The following ICE1 variants were observed in gnomAD, a reference collection of about 807,000 sequenced individuals.
ICE1 encodes interactor of little elongation complex ELL subunit 1.
ICE1 carries 64 observed loss-of-function variants against 192.7 expected under a neutral mutation model. The observed-to-expected ratio is 0.33, with a 90% confidence interval of 0.27 to 0.41. The LOEUF is 0.41. Among genes scored for constraint, ICE1 ranks in the 10% least tolerant of loss-of-function variants. The probability of loss-of-function intolerance (pLI) is 1.00; values close to 1 mark genes in which losing one functional copy is unlikely to be tolerated. For synonymous variants in ICE1, 1,010 were observed against 984.5 expected (o/e 1.03, Z -0.49); for missense variants, 2,708 against 2,696.0 (o/e 1.00, Z -0.10).
chr5:5,470,869 T>C (rs1411673244), intron 15 of ICE1, among the ~76,000 whole-genome samples: 1 of 152,166 alleles, frequency 6.6e-6, no homozygotes, highest in Non-Finnish European at 1.5e-5. Context: ...GTCTTAAAAG[T>C]CAATGAAAAG....
rs1738628148 is a variant in ICE1, at chr5:5,457,646, T to C, written c.1006T>C (p.Phe336Leu). The change falls in exon 12 of 19, where the codon TTC becomes CTC. Residue 336 changes from phenylalanine to leucine, a missense_variant. Around this residue, in one of 2 missense-constraint regions of ICE1, gnomAD observed 2,366 missense variants for 2,276.6 expected, o/e 1.04. Coordinates refer to ENST00000296564, the MANE Select transcript of ICE1 (RefSeq NM_015325.3). ...FDEDLQAAID[F>L]FKLPPPLLSP... The stretch of plus-strand genomic sequence containing the variant: ...TGAAGATCTTCAAGCTGCAATTGAC[T>C]TCTTCAAACTTCCCCCTCCTCTTCT... The C allele has an allele frequency of 6.2e-7, 1 of 1,613,810 alleles. No individual in the cohort carries two copies. The highest frequency in any genetic ancestry group is 1.7e-5 in the Admixed American group (1 of 60,000).
At chr5:5,431,435 C>T (rs540978132) in intron 1 of ICE1, among the ~76,000 whole-genome samples, 1 of 152,142 alleles carries the variant, frequency 6.6e-6, no homozygotes, top group Non-Finnish European at 1.5e-5. Flanking sequence ...CTCTTCACCC[C>T]CATCTCCATT....
chr5:5,430,455 T>TTA (rs1431643639), intron 1 of ICE1, among the ~76,000 whole-genome samples: 1 of 152,228 alleles, frequency 6.6e-6, no homozygotes, highest in Non-Finnish European at 1.5e-5. Flanking sequence ...TGTTTTCTCA[T>TTA]TATACTGTTT....
At chr5:5,487,369 TA>T (rs1739663782) in intron 18 of ICE1, among the ~76,000 whole-genome samples, 1 of 152,204 alleles carries the variant, frequency 6.6e-6, no homozygotes, top group Non-Finnish European at 1.5e-5. Context: ...GTAACTCTTA[TA>T]AGGGATGAAT....
rs116765062 is a variant in ICE1, at chr5:5,442,952, A to G, written c.310-216A>G. 4.7e-3 allele frequency among the ~76,000 whole-genome samples: 712 copies of G among 152,262 alleles called. 5 individuals carry two copies. Among genetic ancestry groups the G allele is most frequent in the African/African-American group, 0.016 (679 of 41,562 alleles). On this transcript the variant is annotated intron_variant, in intron 5 of 18. Coordinates refer to ENST00000296564, the MANE Select transcript of ICE1 (RefSeq NM_015325.3). ...GGTTTAGAATTGCAATAAAATTAGTATATTGTTTTTAAGTTTTATAGTTTT... is the reference window on the plus strand; with the variant it reads ...GGTTTAGAATTGCAATAAAATTAGTGTATTGTTTTTAAGTTTTATAGTTTT...
At chr5:5,436,994 G>A (rs1437745747) in intron 2 of ICE1, 86 bp from the exon 3 acceptor site, 3 of 805,300 alleles carry the variant, frequency 3.7e-6, no homozygotes, top group Non-Finnish European at 6.2e-6. Context: ...AGTCTAGAGG[G>A]TGCCTTGCAT....
intron 10 of ICE1, among the ~76,000 whole-genome samples, chr5:5,454,080 G>A (rs931924969): frequency 2.6e-5 from 4 of 152,114 alleles, no homozygotes; most frequent in Admixed American, 1.3e-4. Context: ...GCATGGTTAA[G>A]TCTAGTGACT....
Position 5,454,611 on chromosome 5 carries a change from C to G in ICE1, c.664C>G (p.Pro222Ala). 6.2e-7 allele frequency: 1 copy of G among 1,613,506 alleles called. No homozygotes were observed. Among genetic ancestry groups the G allele is most frequent in the Non-Finnish European group, 8.5e-7 (1 of 1,179,638 alleles). Residue 222 changes from proline to alanine, a missense_variant, in exon 11 of 19, where the codon CCT becomes GCT. Pro to Ala is a conservative substitution (Grantham distance 27). This residue lies in a region of ICE1 where 2,366 missense variants were observed against 2,276.6 expected (regional missense o/e 1.04). Transcript: ENST00000296564. ...WLCVNTTHRL[P>A]GEGSRCVPEK... ...CTGTGTAAACACAACACACAGACTA[C>G]CTGGTGAAGGCAGCAGGTGTGTCCC...
intron 10 of ICE1, among the ~76,000 whole-genome samples, chr5:5,449,013 C>T (rs1292521164): frequency 1.4e-5 from 2 of 139,968 alleles, no homozygotes; most frequent in East Asian, 4.2e-4. Flanking sequence ...GAATTATCTT[C>T]GTTTTTGGAC....
rs1738036903 is a variant in ICE1 at position 5,441,115 on chromosome 5, G to C, written c.201G>C (p.Glu67Asp). The C allele has an allele frequency of 1.3e-6, 2 of 1,523,172 alleles. No homozygotes were observed. The highest frequency in any genetic ancestry group is 1.8e-6 in the Non-Finnish European group (2 of 1,119,370). The allele number at this position is 1,523,172 out of a possible 1,614,324, so 94.4% of individuals were successfully genotyped here. A position where few individuals can be genotyped will look rare whatever the true frequency, so the allele number is the denominator to read the frequency against. Reference sequence around the variant, plus strand: ...AATGTTAATTCATTGTCTTTAGAGAGAATAGTAATCTGCATCACCAAGTGG... The same window carrying C: ...AATGTTAATTCATTGTCTTTAGAGACAATAGTAATCTGCATCACCAAGTGG... ...KCDELQFARRENSNLHHQVEE... is the reference protein window; with the variant it reads ...KCDELQFARRDNSNLHHQVEE... Residue 67 changes from glutamate (E) to aspartate (D), a missense_variant, in exon 5 of 19, where the codon GAG becomes GAC. By Grantham distance (45) the Glu-to-Asp change is conservative. This residue lies in a region of ICE1 where 2,366 missense variants were observed against 2,276.6 expected (regional missense o/e 1.04). Transcript: ENST00000296564.
intron 1 of ICE1, among the ~76,000 whole-genome samples, chr5:5,431,131 G>A (rs536773792): frequency 1.1e-4 from 16 of 152,250 alleles, no homozygotes; most frequent in African/African-American, 3.4e-4. Flanking sequence ...GGAGCCTGAG[G>A]TTTCTTCGGG....
intron 1 of ICE1, among the ~76,000 whole-genome samples, chr5:5,424,650 G>T (rs1035776211): frequency 2.6e-5 from 4 of 152,176 alleles, no homozygotes; most frequent in Non-Finnish European, 5.9e-5. Context: ...GAGATGGGGA[G>T]GGAATGAATG....
chr5:5,433,458 G>A (rs1737783750), intron 1 of ICE1, among the ~76,000 whole-genome samples: 1 of 152,094 alleles, frequency 6.6e-6, no homozygotes, highest in Admixed American at 6.5e-5. Flanking sequence ...TGGCTTTCTT[G>A]GGTGCTAAAT....
rs201089669 is a variant in ICE1 at position 5,463,371 on chromosome 5, C to G, written c.4037C>G (p.Pro1346Arg). Reference sequence around the variant, plus strand: ...CAGAATGAAAACCCTCAGAGCAGACCAGAGGCCCGTTCAGATGCAGGCAGG... The same window carrying G: ...CAGAATGAAAACCCTCAGAGCAGACGAGAGGCCCGTTCAGATGCAGGCAGG... Reference protein sequence around the residue: ...MPQNENPQSRPEARSDAGRQT... With the variant: ...MPQNENPQSRREARSDAGRQT... Residue 1346 changes from proline to arginine, a missense_variant, in exon 13 of 19, where the codon CCA (proline) becomes CGA (arginine). Physicochemically the swap from Pro to Arg is moderately radical, Grantham distance 103. This residue lies in a region of ICE1 where 2,366 missense variants were observed against 2,276.6 expected (regional missense o/e 1.04). Coordinates refer to ENST00000296564, the MANE Select transcript of ICE1 (RefSeq NM_015325.3). 936 of 1,613,664 alleles carry G rather than the reference C, an allele frequency of 5.8e-4. 2 individuals are homozygous for G. Among genetic ancestry groups the G allele is most frequent in the Non-Finnish European group, 7.4e-4 (876 of 1,179,866 alleles).
At chr5:5,474,821 A>G (rs1304364550) in intron 16 of ICE1, among the ~76,000 whole-genome samples, 2 of 152,210 alleles carry the variant, frequency 1.3e-5, no homozygotes, top group East Asian at 3.9e-4. Flanking sequence ...TGTGTGTCCA[A>G]GGATGTCTGT....
chr5:5,423,672 C>A (rs752722755), intron 1 of ICE1, among the ~76,000 whole-genome samples: 1 of 152,180 alleles, frequency 6.6e-6, no homozygotes, highest in African/African-American at 2.4e-5. Context: ...GGCTCCAGAT[C>A]TTATGGGGTG....
chr5:5,439,920 C>G lies in ICE1; in HGVS notation c.197+7C>G. On this transcript the variant is annotated splice_region_variant and intron_variant, in intron 4 of 18. Coordinates refer to ENST00000296564, the MANE Select transcript of ICE1 (RefSeq NM_015325.3). ...AGCTGCAGTTTGCAAGAAGGTGAGC[C>G]AACCTGTTTCATAGTTTATGATACC... The G allele has an allele frequency of 6.5e-7, 1 of 1,550,260 alleles. No homozygotes were observed. Among genetic ancestry groups the G allele is most frequent in the South Asian group, 1.2e-5 (1 of 82,582 alleles).
chr5:5,481,730 G>A (rs1436075664), intron 17 of ICE1, among the ~76,000 whole-genome samples: 4 of 152,230 alleles, frequency 2.6e-5, no homozygotes, highest in Non-Finnish European at 4.4e-5. Flanking sequence ...ACCAGAAGGT[G>A]ATCTCAGAAG....
intron 13 of ICE1, 142 bp downstream of exon 13, chr5:5,465,368 C>T: frequency 3.3e-6 from 2 of 606,904 alleles, no homozygotes; most frequent in Non-Finnish European, 5.8e-6. Context: ...AACATTACGA[C>T]TATATTTCTA....
Sources: allele counts gnomAD v4.1 joint callset (sites outside exome capture counted in the v4.1 genomes callset), GRCh38; gene constraint gnomAD v4.1.1; regional missense constraint gnomAD v4.1.1; transcripts MANE v1.5; gene names NCBI Gene and HGNC (gene_info 2026-07-23, HGNC 2026-07-21).